The following ZEB1 variants were observed in gnomAD, a reference collection of about 807,000 sequenced individuals.
ZEB1 encodes zinc finger E-box-binding homeobox 1.
ZEB1 carries 21 observed loss-of-function variants against 84.9 expected under a neutral mutation model. The observed-to-expected ratio is 0.25, with a 90% confidence interval of 0.18 to 0.36. ZEB1 has a LOEUF of 0.36. Ranked by LOEUF, ZEB1 falls within the 10% of genes least tolerant of loss-of-function variation. The pLI is 1.00. For synonymous variants in ZEB1, 420 were observed against 471.1 expected (o/e 0.89, Z 1.41); for missense variants, 1,104 against 1,330.2 (o/e 0.83, Z 2.65).
At chr10:31,381,200 A>G (rs1354555483) in intron 1 of ZEB1, among the ~76,000 whole-genome samples, 1 of 152,218 alleles carries the variant, frequency 6.6e-6, no homozygotes, top group East Asian at 1.9e-4. Flanking sequence ...AAATAAAACT[A>G]AAATATTTCA....
At chr10:31,368,239 C>T (rs899516859) in intron 1 of ZEB1, among the ~76,000 whole-genome samples, 1 of 152,142 alleles carries the variant, frequency 6.6e-6, no homozygotes, top group Admixed American at 6.5e-5. Context: ...ACTGCAGCCT[C>T]GACCTCCTGG....
chr10:31,390,729 G>A (rs1158850179), intron 1 of ZEB1, among the ~76,000 whole-genome samples: 4 of 152,116 alleles, frequency 2.6e-5, no homozygotes, highest in Non-Finnish European at 5.9e-5. Context: ...ACTGAATGCA[G>A]GGATTAGGCT....
intron 4 of ZEB1, 121 bp from the exon 5 acceptor site, chr10:31,510,552 T>C (rs139432001): frequency 1.2e-5 from 9 of 777,216 alleles, no homozygotes; most frequent in African/African-American, 6.9e-5. Flanking sequence ...TTGCATTGTT[T>C]TGAGGATCAA....
intron 2 of ZEB1, among the ~76,000 whole-genome samples, chr10:31,474,772 T>C (rs898255294): frequency 2.6e-5 from 4 of 152,128 alleles, no homozygotes; most frequent in Non-Finnish European, 5.9e-5. Context: ...GTATGTTTAT[T>C]GAGGCACTAT....
At chr10:31,405,686 C>T (rs994824261) in intron 1 of ZEB1, among the ~76,000 whole-genome samples, 26 of 150,798 alleles carry the variant, frequency 1.7e-4, no homozygotes, top group Non-Finnish European at 3.0e-5. Flanking sequence ...TAAAGTGGAA[C>T]GTGTTTCTAT....
Position 31,502,464 on chromosome 10 carries a change from G to C in ZEB1, c.439G>C (p.Asp147His). The C allele has an allele frequency of 6.2e-7, 1 of 1,613,866 alleles. No homozygotes were observed. Among genetic ancestry groups the C allele is most frequent in the Non-Finnish European group, 8.5e-7 (1 of 1,179,824 alleles). The change falls in exon 4 of 9, where the codon GAC (aspartate) becomes CAC (histidine). Residue 147 changes from aspartate (D) to histidine (H), a missense_variant. Around this residue, in one of 7 missense-constraint regions of ZEB1, gnomAD observed 162 missense variants for 184.5 expected, o/e 0.88. Coordinates refer to ENST00000424869, the MANE Select transcript of ZEB1 (RefSeq NM_001174096.2). Reference sequence around the variant, plus strand: ...CATTTTTCCTGAGGCACCTGAAGAGGACCAGAGGCAGGGCACACCAGAAGC... The same window carrying C: ...CATTTTTCCTGAGGCACCTGAAGAGCACCAGAGGCAGGGCACACCAGAAGC... ...AVIFPEAPEE[D>H]QRQGTPEASG... is the part of the protein sequence containing the mutation.
At chr10:31,412,690 G>A (rs1458829911) in intron 1 of ZEB1, among the ~76,000 whole-genome samples, 11 of 152,122 alleles carry the variant, frequency 7.2e-5, no homozygotes, top group Admixed American at 7.2e-4. Flanking sequence ...CTTTAAGACT[G>A]CTTATAGAAT....
At chr10:31,412,085 T>G (rs2135812419) in intron 1 of ZEB1, among the ~76,000 whole-genome samples, 1 of 152,334 alleles carries the variant, frequency 6.6e-6, no homozygotes, top group East Asian at 1.9e-4. Context: ...ACAACATTAC[T>G]TATTTCTTTG....
intron 1 of ZEB1, chr10:31,373,111 G>C: frequency 1.0e-6 from 1 of 985,444 alleles, no homozygotes; most frequent in Non-Finnish European, 1.2e-6. Context: ...GCTACTGTCT[G>C]CTTGACATAG....
intron 2 of ZEB1, among the ~76,000 whole-genome samples, chr10:31,479,573 G>A (rs1367857828): frequency 1.3e-5 from 2 of 151,726 alleles, no homozygotes; most frequent in Non-Finnish European, 2.9e-5. Context: ...CTTACTCCTG[G>A]GATGCAAGAA....
chr10:31,371,556 CAT>C, intron 1 of ZEB1, among the ~76,000 whole-genome samples: 1 of 152,300 alleles, frequency 6.6e-6, no homozygotes, highest in Middle Eastern at 3.4e-3. Context: ...ATCAGTCCCA[CAT>C]GTGATAAATC....
chr10:31,486,940 A>T (rs1179120316), intron 2 of ZEB1, among the ~76,000 whole-genome samples: 1 of 151,392 alleles, frequency 6.6e-6, no homozygotes, highest in Non-Finnish European at 1.5e-5. Context: ...ATTTTTTTAT[A>T]AGATGTTAGA....
intron 2 of ZEB1, among the ~76,000 whole-genome samples, chr10:31,493,997 T>A (rs543369713): frequency 6.6e-6 from 1 of 152,030 alleles, no homozygotes; most frequent in African/African-American, 2.4e-5. Context: ...TCCAAAAATG[T>A]CATTTTACCT....
intron 1 of ZEB1, among the ~76,000 whole-genome samples, chr10:31,395,029 G>C (rs1376713921): frequency 6.6e-6 from 1 of 152,198 alleles, no homozygotes; most frequent in Non-Finnish European, 1.5e-5. Flanking sequence ...ATACTGGAGA[G>C]GAAGTGGGTT....
intron 2 of ZEB1, among the ~76,000 whole-genome samples, chr10:31,464,316 G>A (rs562761772): frequency 2.0e-5 from 3 of 151,938 alleles, no homozygotes; most frequent in African/African-American, 2.4e-5. Context: ...TGATGCCACT[G>A]CACTCCAGCC....
chr10:31,521,741 C>T lies in ZEB1; in HGVS notation c.2409C>T (p.Ile803=), dbSNP rs749059172. The T allele has an allele frequency of 2.6e-5, 42 of 1,613,972 alleles. No homozygotes were observed. The highest frequency in any genetic ancestry group is 4.5e-5 in the East Asian group (2 of 44,872). Reference sequence around the variant, plus strand: ...CACCAAGTGCCAACCCCATAAATATCGCTATACCTACAGTCACTGCCCAGT... The same window carrying T: ...CACCAAGTGCCAACCCCATAAATATTGCTATACCTACAGTCACTGCCCAGT... ...VIPPSANPIN[I]AIPTVTAQLP... The change falls in exon 7 of 9, where the codon ATC becomes ATT. Residue 803 remains isoleucine (I), a synonymous_variant. Transcript: ENST00000424869.
intron 1 of ZEB1, among the ~76,000 whole-genome samples, chr10:31,391,518 G>A (rs1037275335): frequency 6.6e-6 from 1 of 152,008 alleles, no homozygotes; most frequent in Non-Finnish European, 1.5e-5. Context: ...CTGGGTTTAT[G>A]TAAGAATCTG....
At chr10:31,459,711 C>G (rs778664933) in intron 1 of ZEB1, among the ~76,000 whole-genome samples, 10 of 151,956 alleles carry the variant, frequency 6.6e-5, no homozygotes, top group Non-Finnish European at 1.2e-4. Flanking sequence ...CTCTGGTACT[C>G]TTTTGGACAA....
chr10:31,435,673 A>G (rs1424138170), intron 1 of ZEB1, among the ~76,000 whole-genome samples: 2 of 150,730 alleles, frequency 1.3e-5, no homozygotes, highest in African/African-American at 4.8e-5. Context: ...GCCATTTACA[A>G]AGAACAAAAA....
Sources: gnomAD v4.1 joint callset for allele counts (sites outside exome capture counted in the v4.1 genomes callset) on GRCh38, gnomAD v4.1.1 for gene constraint, gnomAD v4.1.1 regional missense constraint, MANE v1.5 for transcripts, NCBI Gene and HGNC (gene_info 2026-07-23, HGNC 2026-07-21) for gene names.